PNKD: variants seen among roughly 807,000 people sequenced by gnomAD.
The protein encoded by PNKD is probable thioesterase PNKD.
In PNKD, 36 loss-of-function variants were observed where a neutral mutation model predicts 45.3. The ratio of observed to expected loss-of-function variants is 0.80; its 90% CI spans 0.61 to 1.05. The LOEUF is 1.05. Ranked by LOEUF, PNKD falls within the 50% of genes least tolerant of loss-of-function variation. The probability of loss-of-function intolerance (pLI) is 0.00; values close to 1 mark genes in which losing one functional copy is unlikely to be tolerated. For synonymous variants in PNKD, 197 were observed against 210.1 expected (o/e 0.94, Z 0.54); for missense variants, 511 against 506.6 (o/e 1.01, Z -0.08).
intron 2 of PNKD, among the ~76,000 whole-genome samples, chr2:218,333,504 G>T (rs1327958045): frequency 6.6e-6 from 1 of 152,180 alleles, no homozygotes; most frequent in South Asian, 2.1e-4. Flanking sequence ...TCTTCCACTT[G>T]CCAGGCTCTC....
intron 2 of PNKD, among the ~76,000 whole-genome samples, chr2:218,292,105 A>G (rs1467569855): frequency 6.6e-6 from 1 of 151,946 alleles, no homozygotes; most frequent in Non-Finnish European, 1.5e-5. Flanking sequence ...ACAGCTGGCC[A>G]CTCGGGCTGG....
At chr2:218,293,362 G>A (rs949484552) in intron 2 of PNKD, among the ~76,000 whole-genome samples, 2 of 152,176 alleles carry the variant, frequency 1.3e-5, no homozygotes, top group African/African-American at 4.8e-5. Context: ...CCAGAGGATG[G>A]CTTGAGCCCA....
chr2:218,280,483 C>G (rs1287956357), intron 2 of PNKD: 3 of 300,226 alleles, frequency 1.0e-5, no homozygotes, highest in African/African-American at 2.2e-5. Context: ...GGGATGGGGA[C>G]AGAGGGTAGG....
At chr2:218,308,120 A>C (rs1301465756) in intron 2 of PNKD, among the ~76,000 whole-genome samples, 1 of 50,930 alleles carries the variant, frequency 2.0e-5, no homozygotes, top group South Asian at 1.5e-3. Flanking sequence ...TTAAAAGCAC[A>C]AAAAAATAAT....
chr2:218,316,190 A>T (rs1693806696), intron 2 of PNKD, among the ~76,000 whole-genome samples: 1 of 152,152 alleles, frequency 6.6e-6, no homozygotes, highest in Admixed American at 6.5e-5. Flanking sequence ...CTTTCAGGAA[A>T]CTAGATTGTG....
In PNKD at chr2:218,339,799, C is replaced by T. The variant is rs769375770; in HGVS notation, c.253C>T (p.Arg85Cys). 42 of 1,612,598 alleles carry T rather than the reference C, an allele frequency of 2.6e-5. No individual in the cohort carries two copies. The highest frequency in any genetic ancestry group is 8.8e-5 in the South Asian group (8 of 91,018). Residue 85 changes from arginine (R) to cysteine (C), a missense_variant, in exon 3 of 10, where the codon CGC becomes TGC. Transcript: ENST00000273077. The stretch of plus-strand genomic sequence containing the variant: ...GCCCTCTAGGTACAGCCTGTACACC[C>T]GCACCTGGCTCGGGTACCTCTTCTA... ...VGLAWYSLYT[R>C]TWLGYLFYRQ...
chr2:218,289,878 A>C (rs961953850), intron 2 of PNKD: 2 of 152,236 alleles, frequency 1.3e-5, no homozygotes, highest in Non-Finnish European at 2.9e-5. Flanking sequence ...CCCTACGGCC[A>C]GCTCTTCCTG....
chr2:218,316,031 T>A (rs1056503516), intron 2 of PNKD, among the ~76,000 whole-genome samples: 2 of 152,150 alleles, frequency 1.3e-5, no homozygotes, highest in African/African-American at 4.8e-5. Flanking sequence ...GTGCCTTTCA[T>A]CTCCCTTAGA....
rs1224636140 is a variant in PNKD, at chr2:218,344,988, CA to C, written c.*8del. The C allele has an allele frequency of 6.2e-7, 1 of 1,608,050 alleles. No individual in the cohort carries two copies. The highest frequency in any genetic ancestry group is 1.1e-5 in the South Asian group (1 of 90,772). ...TATGCACAAGAGCAAGTGATGCCCC[CA>C]GCGCCCCCAGCCCAGCCCACTCCCC... On this transcript the variant is annotated 3_prime_UTR_variant, in exon 10 of 10. Coordinates refer to ENST00000273077, the MANE Select transcript of PNKD (RefSeq NM_015488.5).
intron 2 of PNKD, chr2:218,292,463 T>A (rs1025916037): frequency 1.3e-5 from 2 of 152,198 alleles, no homozygotes; most frequent in Non-Finnish European, 2.9e-5. Flanking sequence ...CCCCCTGGCT[T>A]GCCTGCGCCG....
Position 218,282,222 on chromosome 2 carries a change from C to G in PNKD, c.236+10673C>G, listed in dbSNP as rs1036669723. 5 of 1,202,204 alleles carry G rather than the reference C, an allele frequency of 4.2e-6. No homozygotes were observed. The African/African-American group carries it at 7.9e-5, about 19-fold the overall frequency. The allele number at this position is 1,202,204 out of a possible 1,614,324, so 74.5% of individuals were successfully genotyped here. Reference sequence around the variant, plus strand: ...AGAAAAGCAATCGTGAATGCCCAGGCCCAGCTCACTCAGCCTCATGGGCCC... The same window carrying G: ...AGAAAAGCAATCGTGAATGCCCAGGGCCAGCTCACTCAGCCTCATGGGCCC... On this transcript the variant is annotated intron_variant, in intron 2 of 9. Transcript: ENST00000273077.
chr2:218,304,649 G>A (rs1693362264), intron 2 of PNKD, among the ~76,000 whole-genome samples: 1 of 152,182 alleles, frequency 6.6e-6, no homozygotes, highest in South Asian at 2.1e-4. Context: ...TTTCTACCCA[G>A]GCTGGTTACA....
In PNKD at chr2:218,326,880, A is replaced by G. The variant is rs1157761507; in HGVS notation, c.237-12903A>G. ...AAAGCACAGGTGAACAGATATAAAC[A>G]AGGGCCCAAACCCGGGAGGAGGCAG... On this transcript the variant is annotated intron_variant, in intron 2 of 9. Coordinates refer to ENST00000273077, the MANE Select transcript of PNKD (RefSeq NM_015488.5). This position sits in a 1 kb window ranked among gnomAD's most constrained non-coding sequence, Gnocchi z 4.1. 1 of 152,448 alleles carries G rather than the reference A, an allele frequency of 6.6e-6. No individual in the cohort carries two copies. Among genetic ancestry groups the G allele is most frequent in the African/African-American group, 2.4e-5 (1 of 41,420 alleles). 9.4% of individuals were successfully genotyped at this position (152,448 alleles called of 1,614,324 possible).
Position 218,339,889 on chromosome 2 carries a change from C to T in PNKD, c.343C>T (p.Leu115Phe). ...PKGHSKTQPR[L>F]FNGVKVLPIP... ...AGGCCACTCGAAAACCCAGCCCCGC[C>T]TCTTCAATGGTGAGCTCTGACTGCC... The change falls in exon 3 of 10, where the codon CTC becomes TTC. Residue 115 changes from leucine to phenylalanine, a missense_variant. Physicochemically the swap from Leu to Phe is conservative, Grantham distance 22 (BLOSUM62 0). Coordinates refer to ENST00000273077, the MANE Select transcript of PNKD (RefSeq NM_015488.5). 6.2e-7 allele frequency: 1 copy of T among 1,607,924 alleles called. No homozygotes were observed. The highest frequency in any genetic ancestry group is 8.5e-7 in the Non-Finnish European group (1 of 1,175,764).
chr2:218,335,160 T>A (rs1365046876), intron 2 of PNKD, among the ~76,000 whole-genome samples: 4 of 150,406 alleles, frequency 2.7e-5, no homozygotes, highest in Non-Finnish European at 5.9e-5. Context: ...CTTTAAAAAA[T>A]AAATAAATAA....
At chr2:218,302,682 A>G (rs770363420) in intron 2 of PNKD, among the ~76,000 whole-genome samples, 1 of 152,328 alleles carries the variant, frequency 6.6e-6, no homozygotes, top group Non-Finnish European at 1.5e-5. Context: ...AAAGATATCA[A>G]TGAAAACATT....
In PNKD at chr2:218,275,618, G is replaced by A. The variant is rs999545271; in HGVS notation, c.236+4069G>A. On this transcript the variant is annotated intron_variant, in intron 2 of 9. Transcript: ENST00000273077. The stretch of plus-strand genomic sequence containing the variant: ...AGGACCAGCTGTGTGTCGTAAGCCA[G>A]GAACTGCAAGGATAGGGAAGCCAGA... 3.1e-6 allele frequency: 5 copies of A among 1,609,532 alleles called. No homozygotes were observed. The African/African-American group carries it at 5.4e-5, about 17-fold the overall frequency.
At chr2:218,341,062 A>G (rs977147684) in intron 5 of PNKD, among the ~76,000 whole-genome samples, 1 of 152,228 alleles carries the variant, frequency 6.6e-6, no homozygotes, top group Non-Finnish European at 1.5e-5. Flanking sequence ...CTGGGCATGG[A>G]CAAAAGTTAT....
intron 2 of PNKD, among the ~76,000 whole-genome samples, chr2:218,331,364 G>C (rs113091464): frequency 0.022 from 3,392 of 151,906 alleles, 118 homozygotes; most frequent in African/African-American, 0.076. Flanking sequence ...CTGAGATCAT[G>C]CCATTGCACT....
Sources: allele counts gnomAD v4.1 joint callset (sites outside exome capture counted in the v4.1 genomes callset), GRCh38; gene constraint gnomAD v4.1.1; non-coding constraint Gnocchi (gnomAD v3.1); transcripts MANE v1.5; gene names NCBI Gene and HGNC (gene_info 2026-07-23, HGNC 2026-07-21).